KHDRBS2: variants seen among roughly 807,000 people sequenced by gnomAD.
KHDRBS2 encodes KH RNA binding domain containing, signal transduction associated 2.
A neutral mutation model predicts 44.3 loss-of-function variants in KHDRBS2; 26 were observed. The ratio of observed to expected loss-of-function variants is 0.59; its 90% CI spans 0.43 to 0.81. KHDRBS2 has a LOEUF of 0.81. KHDRBS2 is among the 40% of genes least tolerant of loss of function. KHDRBS2 has a pLI of 0.00. For synonymous variants in KHDRBS2, 194 were observed against 151.1 expected (o/e 1.28, Z -2.08); for missense variants, 476 against 433.1 (o/e 1.10, Z -0.88).
chr6:61,916,024 A>G (rs1197952321), intron 4 of KHDRBS2, among the ~76,000 whole-genome samples: 2 of 151,970 alleles, frequency 1.3e-5, no homozygotes, highest in African/African-American at 4.8e-5. Context: ...GCATACCCCG[A>G]TTCTTATTTT....
chr6:61,627,108 C>T, the KHDRBS2 span, among the ~76,000 whole-genome samples: 1 of 151,206 alleles, frequency 6.6e-6, no homozygotes, highest in Non-Finnish European at 1.5e-5. Context: ...AAAAAATTAG[C>T]CGGGCGTGGT....
At chr6:61,834,316 G>T (rs1478850693) in intron 6 of KHDRBS2, among the ~76,000 whole-genome samples, 1 of 151,714 alleles carries the variant, frequency 6.6e-6, no homozygotes, top group African/African-American at 2.4e-5. Context: ...CTTCAATATT[G>T]TTATTTAAAA....
chr6:62,229,136 T>C (rs1293767528), intron 1 of KHDRBS2, among the ~76,000 whole-genome samples: 1 of 152,054 alleles, frequency 6.6e-6, no homozygotes, highest in African/African-American at 2.4e-5. Context: ...TTGTGGAGAC[T>C]ATGGTCACCC....
intron 6 of KHDRBS2, among the ~76,000 whole-genome samples, chr6:61,787,122 A>G (rs1256399642): frequency 1.3e-5 from 2 of 150,610 alleles, no homozygotes; most frequent in Non-Finnish European, 3.0e-5. Flanking sequence ...TTTGGTGCAT[A>G]GAGTTACGGT....
At chr6:61,711,314 T>G (rs1422041040) in intron 7 of KHDRBS2, among the ~76,000 whole-genome samples, 1 of 151,764 alleles carries the variant, frequency 6.6e-6, no homozygotes, top group East Asian at 1.9e-4. Flanking sequence ...TGAATAGTAC[T>G]TGAATAAAAA....
chr6:62,067,374 G>A (rs1373327925), intron 2 of KHDRBS2, among the ~76,000 whole-genome samples: 1 of 151,458 alleles, frequency 6.6e-6, no homozygotes, highest in African/African-American at 2.4e-5. Flanking sequence ...TGTGTCTCAT[G>A]CTTGTACATG....
intron 6 of KHDRBS2, among the ~76,000 whole-genome samples, chr6:61,858,830 C>T (rs925759530): frequency 3.3e-4 from 50 of 151,868 alleles, no homozygotes; most frequent in African/African-American, 1.2e-3. Flanking sequence ...TTGTACATAA[C>T]AGTCGTATAT....
chr6:62,109,808 AAGAG>A (rs1342328802), intron 2 of KHDRBS2, among the ~76,000 whole-genome samples: 1 of 151,826 alleles, frequency 6.6e-6, no homozygotes, highest in Non-Finnish European at 1.5e-5. Flanking sequence ...GAGAGAGAAA[AAGAG>A]GGAGAGAAGG....
chr6:62,071,824 G>C (rs570913992), intron 2 of KHDRBS2, among the ~76,000 whole-genome samples: 10 of 152,090 alleles, frequency 6.6e-5, no homozygotes, highest in African/African-American at 2.4e-4. Flanking sequence ...GGCAATGCGG[G>C]CTCTTTTTTT....
At chr6:61,559,479 T>A in the KHDRBS2 span, among the ~76,000 whole-genome samples, 2 of 152,172 alleles carry the variant, frequency 1.3e-5, no homozygotes, top group African/African-American at 2.4e-5. Flanking sequence ...TCTGGTTATT[T>A]TGTGGTCTTC....
chr6:61,931,868 C>A (rs1049415812), intron 4 of KHDRBS2, among the ~76,000 whole-genome samples: 32 of 152,080 alleles, frequency 2.1e-4, no homozygotes, highest in Admixed American at 1.9e-3. Flanking sequence ...TCCTTTCCTC[C>A]TCCTCCTCCT....
rs398001756 is a variant in KHDRBS2, at chr6:62,059,198, GTTTTTTT to G, written c.220-11211_220-11205del. On this transcript the variant is annotated intron_variant, in intron 2 of 8. Transcript: ENST00000281156. ...TATTTCCACATAGAAAAGTTAGGAAGTTTTTTTTTTTTTTTTTTTTTTTTTTTTTTTT... is the reference window on the plus strand; with the variant it reads ...TATTTCCACATAGAAAAGTTAGGAAGTTTTTTTTTTTTTTTTTTTTTTTTT... Among the ~76,000 whole-genome samples, 171 of 24,880 alleles carry G rather than the reference GTTTTTTT, an allele frequency of 6.9e-3. 1 individual carries two copies. Among genetic ancestry groups the G allele is most frequent in the African/African-American group, 0.017 (158 of 9,032 alleles). The allele number at this position is 24,880 out of a possible 152,430, so 16.3% of individuals were successfully genotyped here. A position where few individuals can be genotyped will look rare whatever the true frequency, so the allele number is the denominator to read the frequency against.
intron 2 of KHDRBS2, among the ~76,000 whole-genome samples, chr6:62,058,136 C>T (rs528882384): frequency 6.6e-6 from 1 of 151,642 alleles, no homozygotes. Flanking sequence ...CAAGTCTGTC[C>T]TTTCTCAAAT....
chr6:62,166,731 T>A (rs1429615907), intron 2 of KHDRBS2, among the ~76,000 whole-genome samples: 1 of 152,080 alleles, frequency 6.6e-6, no homozygotes, highest in Non-Finnish European at 1.5e-5. Context: ...AAAATGGAAA[T>A]CCATTCCATT....
chr6:61,585,215 A>T, the KHDRBS2 span, among the ~76,000 whole-genome samples: 5 of 151,986 alleles, frequency 3.3e-5, no homozygotes, highest in Non-Finnish European at 7.4e-5. Flanking sequence ...GTGATAAAAA[A>T]AAATGTTCAG....
intron 6 of KHDRBS2, among the ~76,000 whole-genome samples, chr6:61,810,943 A>T (rs1371551887): frequency 2.0e-5 from 3 of 152,024 alleles, no homozygotes; most frequent in African/African-American, 7.2e-5. Flanking sequence ...TTTTATTATT[A>T]TTTTTTAAGT....
At chr6:61,863,215 T>G (rs905147408) in intron 6 of KHDRBS2, among the ~76,000 whole-genome samples, 6 of 151,722 alleles carry the variant, frequency 4.0e-5, no homozygotes, top group African/African-American at 9.7e-5. Context: ...TTTTCCTTAT[T>G]TTTTCAAAAA....
At chr6:61,598,600 A>G in the KHDRBS2 span, among the ~76,000 whole-genome samples, 1 of 152,200 alleles carries the variant, frequency 6.6e-6, no homozygotes, top group Non-Finnish European at 1.5e-5. Flanking sequence ...GGTACCCAAA[A>G]TAGTCAAGAG....
the KHDRBS2 span, among the ~76,000 whole-genome samples, chr6:61,578,724 A>T: frequency 2.6e-5 from 4 of 152,198 alleles, no homozygotes; most frequent in Non-Finnish European, 5.9e-5. Context: ...TAGTAAAGCG[A>T]TTATAGTCGG....
Sources: gnomAD v4.1 joint callset for allele counts (sites outside exome capture counted in the v4.1 genomes callset) on GRCh38, gnomAD v4.1.1 for gene constraint, MANE v1.5 for transcripts, NCBI Gene and HGNC (gene_info 2026-07-23, HGNC 2026-07-21) for gene names.